GALNT13: variants seen among roughly 807,000 people sequenced by gnomAD.
GALNT13 encodes the protein polypeptide N-acetylgalactosaminyltransferase 13, also known as UDP-GalNAc:polypeptide N-acetylgalactosaminyltransferase 13.
GALNT13 carries 28 observed loss-of-function variants against 64.2 expected under a neutral mutation model. The ratio of observed to expected loss-of-function variants is 0.44; its 90% CI spans 0.32 to 0.60. GALNT13 has a LOEUF of 0.60. Ranked by LOEUF, GALNT13 falls within the 20% of genes least tolerant of loss-of-function variation. The pLI is 0.05. For missense variants in GALNT13, 577 were observed against 669.8 expected, an observed-to-expected ratio of 0.86 and a Z score of 1.53; for synonymous variants, 214 against 224.6, an observed-to-expected ratio of 0.95 and a Z score of 0.42.
At chr2:154,237,541 ATAT>A (rs1296421793) in intron 4 of GALNT13, among the ~76,000 whole-genome samples, 1 of 128,262 alleles carries the variant, frequency 7.8e-6, no homozygotes, top group African/African-American at 2.7e-5. Flanking sequence ...TATATATGTA[ATAT>A]TATATATAAC....
At chr2:153,710,216 A>G in the GALNT13 span, among the ~76,000 whole-genome samples, 298 of 152,208 alleles carry the variant, frequency 2.0e-3, 3 homozygotes, top group Middle Eastern at 6.8e-3. Flanking sequence ...TGTATTCAAA[A>G]TCAACACATA....
the GALNT13 span, among the ~76,000 whole-genome samples, chr2:153,390,219 C>A: frequency 6.6e-6 from 1 of 152,002 alleles, no homozygotes. Context: ...GATCAGAAAA[C>A]CAAACACCAC....
the GALNT13 span, among the ~76,000 whole-genome samples, chr2:153,578,923 C>G: frequency 6.6e-6 from 1 of 152,156 alleles, no homozygotes; most frequent in Admixed American, 6.5e-5. Context: ...GCTGTAAGCA[C>G]TTATGTAATC....
At chr2:154,000,058 A>G (rs917505281) in intron 3 of GALNT13, among the ~76,000 whole-genome samples, 2 of 151,976 alleles carry the variant, frequency 1.3e-5, no homozygotes, top group Admixed American at 6.6e-5. Context: ...GCAGTTAGGC[A>G]AGAGAAAGGT....
chr2:153,329,869 G>A, the GALNT13 span, among the ~76,000 whole-genome samples: 2 of 152,274 alleles, frequency 1.3e-5, no homozygotes, highest in East Asian at 1.9e-4. Context: ...CGTCCAGAAT[G>A]GCGTTTCCTG....
intron 10 of GALNT13, among the ~76,000 whole-genome samples, chr2:154,403,951 G>T (rs771685522): frequency 6.6e-6 from 1 of 152,118 alleles, no homozygotes; most frequent in South Asian, 2.1e-4. Flanking sequence ...TTTGTAAAAC[G>T]GGAGTAATAG....
intron 2 of GALNT13, among the ~76,000 whole-genome samples, chr2:153,924,718 A>G (rs1238910583): frequency 6.6e-6 from 1 of 152,078 alleles, no homozygotes; most frequent in African/African-American, 2.4e-5. Context: ...CCTCGTCAGC[A>G]TCTGTTGTTT....
the GALNT13 span, among the ~76,000 whole-genome samples, chr2:153,362,520 G>A: frequency 2.5e-4 from 33 of 132,880 alleles, no homozygotes; most frequent in African/African-American, 5.5e-4. Flanking sequence ...AAAATTATAC[G>A]GATGGAGGAA....
At chr2:153,852,332 T>A in the GALNT13 span, among the ~76,000 whole-genome samples, 4 of 152,300 alleles carry the variant, frequency 2.6e-5, no homozygotes, top group Admixed American at 2.0e-4. Flanking sequence ...CTACATTGCC[T>A]ATATCAGGAT....
chr2:153,079,853 G>A, the GALNT13 span, among the ~76,000 whole-genome samples: 5 of 152,284 alleles, frequency 3.3e-5, no homozygotes, highest in Admixed American at 2.0e-4. Context: ...GATGCGCTGC[G>A]CTATGGGCAA....
At chr2:153,567,400 G>T in the GALNT13 span, among the ~76,000 whole-genome samples, 76 of 152,324 alleles carry the variant, frequency 5.0e-4, no homozygotes, top group Non-Finnish European at 5.3e-4. Context: ...GAGGGGAGGT[G>T]GTTGGAAAGC....
the GALNT13 span, among the ~76,000 whole-genome samples, chr2:153,778,560 T>C: frequency 3.9e-5 from 6 of 152,330 alleles, no homozygotes; most frequent in South Asian, 1.2e-3. Context: ...ATGGAAACAG[T>C]AGAAATGTCT....
At chr2:153,220,915 A>C in the GALNT13 span, among the ~76,000 whole-genome samples, 3 of 152,200 alleles carry the variant, frequency 2.0e-5, no homozygotes, top group Admixed American at 6.5e-5. Flanking sequence ...GTCCTCACTT[A>C]TAAGTAGGAG....
At chr2:153,538,142 G>A in the GALNT13 span, among the ~76,000 whole-genome samples, 1 of 152,084 alleles carries the variant, frequency 6.6e-6, no homozygotes, top group Non-Finnish European at 1.5e-5. Context: ...AGTCCAGGCT[G>A]AGGTGGTCTC....
chr2:153,071,927 G>C, the GALNT13 span, among the ~76,000 whole-genome samples: 4 of 152,118 alleles, frequency 2.6e-5, no homozygotes, highest in East Asian at 3.9e-4. Flanking sequence ...GCCAACACTT[G>C]CCTTAGAAGA....
At chr2:154,188,371 C>T (rs188108540) in intron 4 of GALNT13, among the ~76,000 whole-genome samples, 103 of 152,192 alleles carry the variant, frequency 6.8e-4, no homozygotes, top group African/African-American at 2.5e-3. Flanking sequence ...TATAAGTTTG[C>T]ACTACAGAGA....
chr2:154,138,289 A>G (rs1262131835), intron 3 of GALNT13, among the ~76,000 whole-genome samples: 1 of 152,060 alleles, frequency 6.6e-6, no homozygotes, highest in African/African-American at 2.4e-5. Flanking sequence ...ATACATTTGT[A>G]TGCTCTTTTC....
the GALNT13 span, among the ~76,000 whole-genome samples, chr2:153,222,821 G>A: frequency 1.3e-5 from 2 of 152,344 alleles, no homozygotes; most frequent in Non-Finnish European, 2.9e-5. Flanking sequence ...AGTGGAGAGA[G>A]GCCAGGGAGC....
At position 154,101,286 on chromosome 2, in the gene GALNT13, C is replaced by T. The variant is rs558842413; in HGVS notation, c.143-39051C>T. ...GAATAGTTTCAGTAAGATTGGTACC[C>T]GTTCTTTTTGGTTGTAATAATTTTA... On this transcript the variant is annotated intron_variant, in intron 3 of 12. Transcript: ENST00000392825. Among the ~76,000 whole-genome samples the T allele has an allele frequency of 5.9e-5, 9 of 151,732 alleles. 1 individual carries two copies. In the South Asian group the frequency reaches 1.2e-3, roughly 21 times the overall value.
Sources: allele counts gnomAD v4.1 joint callset (sites outside exome capture counted in the v4.1 genomes callset), GRCh38; gene constraint gnomAD v4.1.1; transcripts MANE v1.5; gene names NCBI Gene and HGNC (gene_info 2026-07-23, HGNC 2026-07-21).